Variants in ADGRE5 observed in about 807,000 individuals in gnomAD.
The protein encoded by ADGRE5 is CD97 molecule.
In ADGRE5, 72 loss-of-function variants were observed where a neutral mutation model predicts 100.3. The ratio of observed to expected loss-of-function variants is 0.72; its 90% CI spans 0.59 to 0.87. The LOEUF is 0.87. ADGRE5 is among the 40% of genes least tolerant of loss of function. The probability of loss-of-function intolerance (pLI) is 0.00; values close to 1 mark genes in which losing one functional copy is unlikely to be tolerated. For synonymous variants in ADGRE5, 439 were observed against 447.8 expected (o/e 0.98, Z 0.25); for missense variants, 959 against 1,094.7 (o/e 0.88, Z 1.75).
chr19:14,389,343 A>AGGGGAAGGTGAGGGGAAGGGGGAAG (rs1975505690), intron 3 of ADGRE5, among the ~76,000 whole-genome samples: 1 of 12,160 alleles, frequency 8.2e-5, no homozygotes. Context: ...GGGGAAGGGG[A>AGGGGAAGGTGAGGGGAAGGGGGAAG]GGGGAAGGGG....
chr19:14,381,563 C>T lies in ADGRE5; in HGVS notation c.22+18C>T. 1 of 1,597,766 alleles carries T rather than the reference C, an allele frequency of 6.3e-7. No individual in the cohort carries two copies. Among genetic ancestry groups the T allele is most frequent in the Non-Finnish European group, 8.5e-7 (1 of 1,175,560 alleles). On this transcript the variant is annotated intron_variant, in intron 1 of 19. Transcript: ENST00000242786. ...CTTTCTCGGTAAGTACTTTGGGGCC[C>T]CGCTGGGAGGGGCGAGGAAGCTCCA...
chr19:14,403,231 G>A (rs190796063), intron 12 of ADGRE5, among the ~76,000 whole-genome samples: 3 of 151,928 alleles, frequency 2.0e-5, no homozygotes, highest in East Asian at 1.9e-4. Flanking sequence ...TAGTAGAGAC[G>A]GGGTTTCTCC....
chr19:14,388,840 G>C, intron 3 of ADGRE5, 22 bp downstream of exon 3: 1 of 1,604,520 alleles, frequency 6.2e-7, no homozygotes. Context: ...TGAGGGCAGC[G>C]CAGGGGACAT....
At chr19:14,382,702 A>G (rs1257617874) in intron 1 of ADGRE5, among the ~76,000 whole-genome samples, 1 of 134,824 alleles carries the variant, frequency 7.4e-6, no homozygotes, top group Non-Finnish European at 1.5e-5. Context: ...GTCTCTACCA[A>G]AAACAAATTT....
chr19:14,389,379 AGGGGAG>A, intron 3 of ADGRE5, among the ~76,000 whole-genome samples: 1 of 24,338 alleles, frequency 4.1e-5, no homozygotes, highest in African/African-American at 2.4e-4. Context: ...GAGACGGGGA[AGGGGAG>A]GGGGAGGCAG....
At position 14,401,666 on chromosome 19, in the gene ADGRE5, G is replaced by T; in HGVS notation, c.1089G>T (p.Met363Ile). The T allele has an allele frequency of 6.3e-7, 1 of 1,597,258 alleles. No homozygotes were observed. Among genetic ancestry groups the T allele is most frequent in the Non-Finnish European group, 8.5e-7 (1 of 1,171,896 alleles). The change falls in exon 11 of 20, where the codon ATG (methionine) becomes ATT (isoleucine). Residue 363 changes from methionine (M) to isoleucine (I), a missense_variant. Physicochemically the swap from Met to Ile is conservative, Grantham distance 10. Coordinates refer to ENST00000242786, the MANE Select transcript of ADGRE5 (RefSeq NM_078481.4). This position sits in a 1 kb window ranked among gnomAD's most constrained non-coding sequence, Gnocchi z 4.1. ...CTCTCCCCTCAGAGCTGACCCTGAT[G>T]ATCCAGGAGCGGGGGGACAAGAACG... ...ISPSNTELTLMIQERGDKNVT... is the reference protein window; with the variant it reads ...ISPSNTELTLIIQERGDKNVT...
At chr19:14,385,053 C>G (rs1464508379) in intron 1 of ADGRE5, among the ~76,000 whole-genome samples, 2 of 135,738 alleles carry the variant, frequency 1.5e-5, no homozygotes, top group African/African-American at 5.7e-5. Context: ...CTCTGTTGCC[C>G]AGGCTGGCGT....
chr19:14,391,165 C>T, intron 4 of ADGRE5, 86 bp downstream of exon 4: 1 of 1,570,898 alleles, frequency 6.4e-7, no homozygotes, highest in East Asian at 2.2e-5. Context: ...GAGAGCAGGG[C>T]CTTGGTTGTA....
chr19:14,396,156 A>T, intron 4 of ADGRE5, 186 bp from the exon 5 acceptor site: 1 of 1,058,930 alleles, frequency 9.4e-7, no homozygotes, highest in Non-Finnish European at 1.3e-6. Context: ...GGCTGCTTCC[A>T]GCCACATCTG....
In ADGRE5 at chr19:14,406,058, CCCTG is replaced by C; in HGVS notation, c.1821+120_1821+123del. On this transcript the variant is annotated intron_variant, in intron 14 of 19. Transcript: ENST00000242786. The surrounding 1 kb of genome is among the most constrained non-coding windows in gnomAD (Gnocchi z 6.0). Reference sequence around the variant, plus strand: ...GGGCCCTGGAGGCATGAGGCCCCGCCCCTGTCCGGGATCTGGCCCCGCCCACCGG... The same window carrying C: ...GGGCCCTGGAGGCATGAGGCCCCGCCTCCGGGATCTGGCCCCGCCCACCGG... The C allele has an allele frequency of 1.1e-6, 1 of 903,822 alleles. No homozygotes were observed. The highest frequency in any genetic ancestry group is 1.6e-6 in the Non-Finnish European group (1 of 613,264). 56.0% of individuals were successfully genotyped at this position (903,822 alleles called of 1,614,324 possible). A position where few individuals can be genotyped will look rare whatever the true frequency, so the allele number is the denominator to read the frequency against.
intron 12 of ADGRE5, among the ~76,000 whole-genome samples, chr19:14,403,723 G>T (rs1234333240): frequency 2.6e-5 from 4 of 151,534 alleles, no homozygotes; most frequent in African/African-American, 9.7e-5. Flanking sequence ...CAAACTCCTG[G>T]CCTCAAGCGA....
At chr19:14,400,539 C>T (rs1192069750) in intron 9 of ADGRE5, among the ~76,000 whole-genome samples, 1 of 152,118 alleles carries the variant, frequency 6.6e-6, no homozygotes, top group Non-Finnish European at 1.5e-5. Flanking sequence ...AGTCTGTAAT[C>T]CCAGCACTTT....
rs1361493143 is a variant in ADGRE5 at position 14,405,936 on chromosome 19, C to T, written c.1818C>T (p.Gly606=). 1.2e-6 allele frequency: 2 copies of T among 1,605,858 alleles called. No homozygotes were observed. The highest frequency in any genetic ancestry group is 2.2e-5 in the South Asian group (2 of 90,982). ...IFLAGIENEG[G]QVGLRCRLVA... is the part of the protein sequence containing the mutation. The stretch of plus-strand genomic sequence containing the variant: ...TGGCCGGCATCGAGAACGAAGGCGG[C>T]CAGGTGAGGTCCCGCCCCGCTCCCT... Residue 606 remains glycine (G), a synonymous_variant, in exon 14 of 20, where the codon GGC becomes GGT. Coordinates refer to ENST00000242786, the MANE Select transcript of ADGRE5 (RefSeq NM_078481.4).
chr19:14,401,807 G>C lies in ADGRE5; in HGVS notation c.1183+47G>C. 7.6e-7 allele frequency: 1 copy of C among 1,307,354 alleles called. No homozygotes were observed. The highest frequency in any genetic ancestry group is 1.1e-6 in the Non-Finnish European group (1 of 949,062). 81.0% of individuals were successfully genotyped at this position (1,307,354 alleles called of 1,614,324 possible). A position where few individuals can be genotyped will look rare whatever the true frequency, so the allele number is the denominator to read the frequency against. On this transcript the variant is annotated intron_variant, in intron 11 of 19. Coordinates refer to ENST00000242786, the MANE Select transcript of ADGRE5 (RefSeq NM_078481.4). The surrounding 1 kb of genome is among the most constrained non-coding windows in gnomAD (Gnocchi z 4.1). ...GGGAGCCCGTGGGAGAGAGATGGAG[G>C]TGCTGGGATGGGGCCAGGGTGAGGT...
At chr19:14,399,910 G>C (rs901019506) in intron 9 of ADGRE5, among the ~76,000 whole-genome samples, 3 of 152,128 alleles carry the variant, frequency 2.0e-5, no homozygotes, top group Non-Finnish European at 2.9e-5. Context: ...CACAATCACA[G>C]CTCACTCCAT....
chr19:14,388,618 G>A, intron 2 of ADGRE5, 84 bp from the exon 3 acceptor site: 1 of 1,608,752 alleles, frequency 6.2e-7, no homozygotes, highest in Non-Finnish European at 8.5e-7. Flanking sequence ...GAGAAACTCA[G>A]CGCCCTGCCC....
chr19:14,408,080 T>C lies in ADGRE5; in HGVS notation c.2479-12T>C, dbSNP rs762697395. 3 of 1,613,814 alleles carry C rather than the reference T, an allele frequency of 1.9e-6. No individual in the cohort carries two copies. Among genetic ancestry groups the C allele is most frequent in the Middle Eastern group, 3.4e-4 (2 of 5,944 alleles). On this transcript the variant is annotated splice_polypyrimidine_tract_variant and intron_variant, in intron 19 of 19. Coordinates refer to ENST00000242786, the MANE Select transcript of ADGRE5 (RefSeq NM_078481.4). ...GCTAGCGGGGCTCAGGCCTCTGGGC[T>C]CTCCTCTCCAGGCCCTCAGGGCATC...
At chr19:14,395,607 C>A (rs1417334616) in intron 4 of ADGRE5, among the ~76,000 whole-genome samples, 1 of 152,264 alleles carries the variant, frequency 6.6e-6, no homozygotes, top group African/African-American at 2.4e-5. Flanking sequence ...ACGGCCAGTT[C>A]TGCTTAGATA....
chr19:14,384,143 G>C (rs576675049), intron 1 of ADGRE5, among the ~76,000 whole-genome samples: 2 of 152,238 alleles, frequency 1.3e-5, no homozygotes, highest in African/African-American at 4.8e-5. Context: ...CAAGCCTTGT[G>C]GCCAGAGAGG....
Sources: gnomAD v4.1 joint callset for allele counts (sites outside exome capture counted in the v4.1 genomes callset) on GRCh38, gnomAD v4.1.1 for gene constraint, Gnocchi (gnomAD v3.1) non-coding constraint, MANE v1.5 for transcripts, NCBI Gene and HGNC (gene_info 2026-07-23, HGNC 2026-07-21) for gene names.